The following IFT140 variants were observed in gnomAD, a reference collection of about 807,000 sequenced individuals.
IFT140 encodes intraflagellar transport protein 140 homolog.
Under a neutral mutation model 164.6 loss-of-function variants are expected in IFT140, and 133 were observed. That is an observed-to-expected ratio of 0.81 (90% CI 0.70 to 0.93). IFT140 has a LOEUF of 0.93. Among genes scored for constraint, IFT140 ranks in the 40% least tolerant of loss-of-function variants. IFT140 has a pLI of 0.00. For synonymous variants in IFT140, 860 were observed against 817.3 expected (o/e 1.05, Z -0.89); for missense variants, 2,045 against 1,972.3 (o/e 1.04, Z -0.70).
At chr16:1,606,091 C>G (rs1375483710) in intron 3 of IFT140, among the ~76,000 whole-genome samples, 1 of 152,244 alleles carries the variant, frequency 6.6e-6, no homozygotes, top group Non-Finnish European at 1.5e-5. Context: ...AGACACTCCC[C>G]TCAGCCTTCA....
intron 19 of IFT140, among the ~76,000 whole-genome samples, chr16:1,543,338 G>A (rs954777962): frequency 6.6e-6 from 1 of 152,244 alleles, no homozygotes; most frequent in Admixed American, 6.5e-5. Flanking sequence ...ATTTCCAGAA[G>A]GAGGCTGACA....
intron 19 of IFT140, chr16:1,541,135 C>T: frequency 2.0e-6 from 2 of 985,462 alleles, no homozygotes; most frequent in Non-Finnish European, 2.4e-6. Flanking sequence ...ATCCATGTGC[C>T]CTGCCCACCT....
intron 19 of IFT140, among the ~76,000 whole-genome samples, chr16:1,544,163 ACCTG>A (rs1417322597): frequency 7.3e-6 from 1 of 136,508 alleles, no homozygotes; most frequent in African/African-American, 2.6e-5. Context: ...GATTGCAGGC[ACCTG>A]CCACCACGCC....
intron 26 of IFT140, among the ~76,000 whole-genome samples, chr16:1,521,888 T>C (rs2040537590): frequency 7.7e-6 from 1 of 129,240 alleles, no homozygotes; most frequent in South Asian, 2.5e-4. Context: ...AACCCACAAA[T>C]ATATATGAAG....
At position 1,600,316 on chromosome 16, in the gene IFT140, G is replaced by A. The variant is rs62040004; in HGVS notation, c.369+2054C>T. ...AAGTAATCAGGGACACAAACACTGC[G>A]GAAGGCCGCAGGGTCCTCTGCCTAG... On this transcript the variant is annotated intron_variant, in intron 4 of 30. Coordinates refer to ENST00000426508, the MANE Select transcript of IFT140 (RefSeq NM_014714.4). 1.2e-4 allele frequency among the ~76,000 whole-genome samples: 17 copies of A among 142,328 alleles called. No individual in the cohort carries two copies. The East Asian group carries it at 2.3e-3, about 19-fold the overall frequency. 93.4% of individuals were successfully genotyped at this position (142,328 alleles called of 152,430 possible).
chr16:1,550,860 G>A (rs2032577107), intron 19 of IFT140, among the ~76,000 whole-genome samples: 1 of 152,252 alleles, frequency 6.6e-6, no homozygotes. Flanking sequence ...TGTGGCTGAC[G>A]CTGACCCTAG....
intron 18 of IFT140, among the ~76,000 whole-genome samples, chr16:1,560,799 G>A (rs988128211): frequency 6.6e-6 from 1 of 152,244 alleles, no homozygotes; most frequent in Non-Finnish European, 1.5e-5. Context: ...ATAAGCCACT[G>A]CATGTGGAAA....
intron 19 of IFT140, among the ~76,000 whole-genome samples, chr16:1,548,887 T>C (rs1279463353): frequency 6.6e-6 from 1 of 152,178 alleles, no homozygotes; most frequent in Non-Finnish European, 1.5e-5. Flanking sequence ...TCCGTGTATT[T>C]GTTGGCTTTT....
At chr16:1,552,930 G>A (rs1326474982) in intron 19 of IFT140, 2 of 980,258 alleles carry the variant, frequency 2.0e-6, no homozygotes, top group Admixed American at 6.2e-5. Flanking sequence ...TGCGATTATA[G>A]GCGTAAACCA....
At position 1,519,957 on chromosome 16, in the gene IFT140, G is replaced by T. The variant is rs1330232452; in HGVS notation, c.3964C>A (p.Pro1322Thr). The T allele has an allele frequency of 6.2e-7, 1 of 1,606,522 alleles. No individual in the cohort carries two copies. The highest frequency in any genetic ancestry group is 8.5e-7 in the Non-Finnish European group (1 of 1,177,228). ...GCCAGCCTGGTCTCCTGGTCCAGGG[G>T]GCTCTTGGCCTTGGCCTTGGCCAGG... Reference protein sequence around the residue: ...KCLAKAKAKSPLDQETRLAQL... With the variant: ...KCLAKAKAKSTLDQETRLAQL... The change falls in exon 29 of 31, where the codon CCC (proline) becomes ACC (threonine). Residue 1322 changes from proline to threonine, a missense_variant. Transcript: ENST00000426508.
chr16:1,525,348 G>C (rs1432042464), intron 21 of IFT140, 22 bp from the exon 22 acceptor site: 1 of 1,582,558 alleles, frequency 6.3e-7, no homozygotes, highest in South Asian at 1.1e-5. Flanking sequence ...GGAGACAGAG[G>C]TCCTCGTTCC....
At chr16:1,581,593 G>C (rs2034560679) in intron 12 of IFT140, among the ~76,000 whole-genome samples, 1 of 145,606 alleles carries the variant, frequency 6.9e-6, no homozygotes, top group Admixed American at 6.9e-5. Context: ...CAGCAAGACT[G>C]TCTCAGAAAG....
At chr16:1,521,356 G>A (rs988721483) in intron 26 of IFT140, among the ~76,000 whole-genome samples, 6 of 149,664 alleles carry the variant, frequency 4.0e-5, no homozygotes, top group African/African-American at 7.4e-5. Flanking sequence ...ACAAGCCACC[G>A]TGCCGGCCTG....
At chr16:1,607,014 A>T (rs1274746408) in intron 3 of IFT140, 106 bp downstream of exon 3, 1 of 1,105,596 alleles carries the variant, frequency 9.0e-7, no homozygotes, top group Non-Finnish European at 1.3e-6. Context: ...ACACACACAC[A>T]CCCATAGGCA....
intron 9 of IFT140, among the ~76,000 whole-genome samples, chr16:1,586,838 A>G (rs1325673978): frequency 6.6e-6 from 1 of 152,024 alleles, no homozygotes; most frequent in Non-Finnish European, 1.5e-5. Flanking sequence ...TCCTGAGTAG[A>G]TGGGACCACC....
At chr16:1,527,106 GA>G in intron 19 of IFT140, 1 of 403,886 alleles carries the variant, frequency 2.5e-6, no homozygotes, top group Non-Finnish European at 4.4e-6. Context: ...GTCTGATCAG[GA>G]AATGTGGGCT....
chr16:1,521,684 A>G (rs1031048541), intron 26 of IFT140, among the ~76,000 whole-genome samples: 16 of 150,226 alleles, frequency 1.1e-4, no homozygotes, highest in Admixed American at 3.3e-4. Flanking sequence ...GAGCCACCAC[A>G]CCCAGCCCTC....
At chr16:1,607,847 T>C (rs556295656) in intron 2 of IFT140, among the ~76,000 whole-genome samples, 13 of 152,366 alleles carry the variant, frequency 8.5e-5, no homozygotes, top group African/African-American at 3.1e-4. Context: ...GGTTTTACTA[T>C]GTTGCCCAGG....
intron 4 of IFT140, among the ~76,000 whole-genome samples, chr16:1,601,586 A>G (rs1427734747): frequency 6.6e-6 from 1 of 152,262 alleles, no homozygotes; most frequent in Non-Finnish European, 1.5e-5. Flanking sequence ...CAGTGGGAAC[A>G]GCGGGCGAAT....
Sources: allele counts gnomAD v4.1 joint callset (sites outside exome capture counted in the v4.1 genomes callset), GRCh38; gene constraint gnomAD v4.1.1; transcripts MANE v1.5; gene names NCBI Gene and HGNC (gene_info 2026-07-23, HGNC 2026-07-21).